CNTNAP2: variants seen among roughly 807,000 people sequenced by gnomAD.
CNTNAP2 encodes the protein contactin-associated protein-like 2.
CNTNAP2 carries 98 observed loss-of-function variants against 155.2 expected under a neutral mutation model. That is an observed-to-expected ratio of 0.63 (90% CI 0.54 to 0.75). CNTNAP2 has a LOEUF of 0.75. Ranked by LOEUF, CNTNAP2 falls within the 30% of genes least tolerant of loss-of-function variation. The probability of loss-of-function intolerance (pLI) is 0.00; values close to 1 mark genes in which losing one functional copy is unlikely to be tolerated. For missense variants in CNTNAP2, 1,727 were observed against 1,688.1 expected (o/e 1.02, Z -0.40); for synonymous variants, 651 against 631.2 (o/e 1.03, Z -0.47).
intron 12 of CNTNAP2, among the ~76,000 whole-genome samples, chr7:147,578,483 T>G (rs1800439976): frequency 6.6e-6 from 1 of 152,098 alleles, no homozygotes; most frequent in Non-Finnish European, 1.5e-5. Context: ...TGCTCTCCCA[T>G]TAACGGTAGT....
At chr7:148,117,667 C>A (rs934346731) in intron 15 of CNTNAP2, among the ~76,000 whole-genome samples, 10 of 152,090 alleles carry the variant, frequency 6.6e-5, no homozygotes, top group Admixed American at 2.0e-4. Context: ...ACAGCCCCCA[C>A]CCACCCACAG....
intron 1 of CNTNAP2, among the ~76,000 whole-genome samples, chr7:146,590,504 C>G (rs913360765): frequency 6.6e-6 from 1 of 152,030 alleles, no homozygotes; most frequent in Non-Finnish European, 1.5e-5. Context: ...AAAACTCCAC[C>G]CTCCAACTCT....
intron 5 of CNTNAP2, among the ~76,000 whole-genome samples, chr7:147,118,817 C>T (rs1182721640): frequency 3.3e-5 from 5 of 152,006 alleles, no homozygotes; most frequent in Non-Finnish European, 5.9e-5. Flanking sequence ...TGAAGCCCAT[C>T]GTTGAAAGAA....
rs543567688 is a variant in CNTNAP2 at position 146,562,960 on chromosome 7, C to T, written c.98-211311C>T. On this transcript the variant is annotated intron_variant, in intron 1 of 23. Transcript: ENST00000361727. The stretch of plus-strand genomic sequence containing the variant: ...ATTAGGTTTTGTATATATAGAATCA[C>T]ACACACATACTCCCCTAGTTTGTGA... Among the ~76,000 whole-genome samples the T allele has an allele frequency of 4.6e-5, 7 of 152,214 alleles. No homozygotes were observed. The South Asian group carries it at 1.5e-3, about 32-fold the overall frequency.
At chr7:147,432,181 T>A (rs982807114) in intron 10 of CNTNAP2, among the ~76,000 whole-genome samples, 13 of 152,192 alleles carry the variant, frequency 8.5e-5, no homozygotes, top group Admixed American at 5.9e-4. Flanking sequence ...CATTTTGAGC[T>A]ACATAATTTC....
chr7:146,940,834 GAGAA>G (rs1303343411), intron 3 of CNTNAP2, among the ~76,000 whole-genome samples: 2 of 146,200 alleles, frequency 1.4e-5, no homozygotes, highest in South Asian at 4.3e-4. Flanking sequence ...TACATATAGA[GAGAA>G]AGAGAGAGAA....
intron 13 of CNTNAP2, among the ~76,000 whole-genome samples, chr7:147,830,261 T>C (rs1161632919): frequency 6.6e-6 from 1 of 151,980 alleles, no homozygotes; most frequent in Non-Finnish European, 1.5e-5. Context: ...TGCCAAGGTA[T>C]TGGTGGATCT....
chr7:146,457,407 A>C (rs867559731), intron 1 of CNTNAP2, among the ~76,000 whole-genome samples: 7 of 147,874 alleles, frequency 4.7e-5, no homozygotes, highest in African/African-American at 1.8e-4. Flanking sequence ...ATATTCAAAA[A>C]ATGATTATAT....
At chr7:148,202,032 G>C (rs568480424) in intron 18 of CNTNAP2, among the ~76,000 whole-genome samples, 1 of 152,092 alleles carries the variant, frequency 6.6e-6, no homozygotes, top group South Asian at 2.1e-4. Flanking sequence ...TGAGAAGCCT[G>C]TGCCTTTTAG....
At chr7:147,383,171 G>A (rs371284575) in intron 9 of CNTNAP2, among the ~76,000 whole-genome samples, 40 of 152,042 alleles carry the variant, frequency 2.6e-4, no homozygotes, top group African/African-American at 8.9e-4. Flanking sequence ...GTCTCTGACC[G>A]GCAGTTTAAT....
intron 1 of CNTNAP2, among the ~76,000 whole-genome samples, chr7:146,255,401 A>G (rs1279917846): frequency 6.6e-6 from 1 of 152,220 alleles, no homozygotes; most frequent in Non-Finnish European, 1.5e-5. Flanking sequence ...ATTTTCCGTC[A>G]GTACCTCATG....
intron 4 of CNTNAP2, among the ~76,000 whole-genome samples, chr7:147,055,721 G>A (rs1799549883): frequency 6.6e-6 from 1 of 152,142 alleles, no homozygotes; most frequent in Non-Finnish European, 1.5e-5. Flanking sequence ...CTTCCCCCTG[G>A]TTCCCACCGG....
At chr7:147,137,123 T>C (rs1801497999) in intron 8 of CNTNAP2, among the ~76,000 whole-genome samples, 1 of 151,644 alleles carries the variant, frequency 6.6e-6, no homozygotes, top group South Asian at 2.1e-4. Flanking sequence ...TATCACAACA[T>C]ATATACAATA....
chr7:146,936,243 A>G lies in CNTNAP2; in HGVS notation c.402+96339A>G, dbSNP rs560964712. ...GACTGAGCTCAATCACTAGGCACCA[A>G]CAGAAGAAACTGTATAAAAATGGAG... On this transcript the variant is annotated intron_variant, in intron 3 of 23. Coordinates refer to ENST00000361727, the MANE Select transcript of CNTNAP2 (RefSeq NM_014141.6). Among the ~76,000 whole-genome samples, 5 of 152,286 alleles carry G rather than the reference A, an allele frequency of 3.3e-5. No individual in the cohort carries two copies. In the South Asian group the frequency reaches 8.3e-4, roughly 25 times the overall value.
At chr7:147,189,813 C>T (rs1201449262) in intron 8 of CNTNAP2, among the ~76,000 whole-genome samples, 4 of 152,054 alleles carry the variant, frequency 2.6e-5, no homozygotes, top group Non-Finnish European at 5.9e-5. Context: ...GGCGCGATCT[C>T]GGCTCACTGT....
intron 15 of CNTNAP2, among the ~76,000 whole-genome samples, chr7:148,068,583 T>C (rs977792219): frequency 2.0e-5 from 3 of 152,232 alleles, no homozygotes; most frequent in African/African-American, 7.2e-5. Flanking sequence ...TGTTCTGGGA[T>C]GAAATTAACT....
intron 13 of CNTNAP2, among the ~76,000 whole-genome samples, chr7:147,699,342 A>T (rs1796204413): frequency 6.6e-6 from 1 of 151,992 alleles, no homozygotes; most frequent in Non-Finnish European, 1.5e-5. Context: ...CAGCAAACTA[A>T]CACAGGAGCA....
chr7:147,266,004 C>G (rs1217345597), intron 8 of CNTNAP2, among the ~76,000 whole-genome samples: 2 of 152,154 alleles, frequency 1.3e-5, no homozygotes, highest in African/African-American at 4.8e-5. Context: ...CCTCAAAGAT[C>G]TGAACCAGAC....
intron 1 of CNTNAP2, among the ~76,000 whole-genome samples, chr7:146,410,979 T>C (rs1795856854): frequency 6.6e-6 from 1 of 152,166 alleles, no homozygotes; most frequent in African/African-American, 2.4e-5. Flanking sequence ...TTCCATGGTA[T>C]AAATACCAAA....
Sources: gnomAD v4.1 joint callset for allele counts (sites outside exome capture counted in the v4.1 genomes callset) on GRCh38, gnomAD v4.1.1 for gene constraint, MANE v1.5 for transcripts, NCBI Gene and HGNC (gene_info 2026-07-23, HGNC 2026-07-21) for gene names.